Variants in BBS9 observed in about 807,000 individuals in gnomAD.
BBS9 encodes the protein protein PTHB1.
A neutral mutation model predicts 117.7 loss-of-function variants in BBS9; 89 were observed. That is an observed-to-expected ratio of 0.76 (90% confidence interval 0.64 to 0.90). The LOEUF (loss-of-function observed/expected upper bound fraction) is 0.90. Ranked by LOEUF, BBS9 falls within the 40% of genes least tolerant of loss-of-function variation. The pLI is 0.00. For synonymous variants in BBS9, 379 were observed against 370.9 expected (o/e 1.02, Z -0.25); for missense variants, 982 against 1,042.2 (o/e 0.94, Z 0.80).
chr7:33,398,975 G>A, intron 19 of BBS9, among the ~76,000 whole-genome samples: 1 of 152,168 alleles, frequency 6.6e-6, no homozygotes, highest in East Asian at 1.9e-4. Context: ...ACTGTGCTCA[G>A]CCCAACAATG....
intron 19 of BBS9, chr7:33,390,753 C>A: frequency 5.7e-6 from 2 of 350,856 alleles, no homozygotes; most frequent in Non-Finnish European, 8.0e-6. Flanking sequence ...GGTTCCTTAT[C>A]ATCTGCTCAG....
intron 19 of BBS9, among the ~76,000 whole-genome samples, chr7:33,400,226 G>T: frequency 1.0e-5 from 1 of 99,400 alleles, no homozygotes; most frequent in African/African-American, 4.1e-5. Flanking sequence ...TTTGTTGTTT[G>T]ATCTTTAAAA....
chr7:33,515,507 T>G (rs2392244), intron 20 of BBS9, among the ~76,000 whole-genome samples: 43,594 of 152,082 alleles, frequency 0.29, 6,472 homozygotes, highest in African/African-American at 0.36. Context: ...CCTTTTCGAC[T>G]AAACTCAAAA....
At chr7:33,175,428 A>G (rs896226373) in intron 4 of BBS9, among the ~76,000 whole-genome samples, 2 of 152,188 alleles carry the variant, frequency 1.3e-5, no homozygotes, top group Non-Finnish European at 2.9e-5. Context: ...TCTTTTAACT[A>G]TTAAAAGACA....
chr7:33,348,346 A>G (rs954728988), intron 12 of BBS9, among the ~76,000 whole-genome samples: 4 of 152,166 alleles, frequency 2.6e-5, no homozygotes. Context: ...ATTTGTTAGC[A>G]TGGTTCCATG....
chr7:33,497,820 C>T (rs889427153), intron 19 of BBS9, among the ~76,000 whole-genome samples: 20 of 152,066 alleles, frequency 1.3e-4, no homozygotes, highest in African/African-American at 4.3e-4. Flanking sequence ...GGTCAGGGTA[C>T]GGTGCAGGGT....
chr7:33,626,863 A>T (rs1175588239), intron 21 of BBS9, among the ~76,000 whole-genome samples: 1 of 152,224 alleles, frequency 6.6e-6, no homozygotes, highest in East Asian at 1.9e-4. Context: ...TGAAACTAGA[A>T]CTTATATTTA....
At chr7:33,137,260 G>A (rs553743054) in intron 1 of BBS9, among the ~76,000 whole-genome samples, 1 of 152,312 alleles carries the variant, frequency 6.6e-6, no homozygotes, top group East Asian at 1.9e-4. Flanking sequence ...TGGGCACTGG[G>A]AGTTGGGAGA....
intron 21 of BBS9, among the ~76,000 whole-genome samples, chr7:33,556,700 G>A (rs937748277): frequency 9.2e-5 from 14 of 152,174 alleles, no homozygotes; most frequent in Admixed American, 3.9e-4. Context: ...CCAGGAAAAT[G>A]ACTTTAGAGG....
chr7:33,292,568 T>C (rs1016220414), intron 9 of BBS9, among the ~76,000 whole-genome samples: 2 of 152,234 alleles, frequency 1.3e-5, no homozygotes, highest in African/African-American at 4.8e-5. Flanking sequence ...TCAAACTTTT[T>C]ACTGTTTTTA....
intron 19 of BBS9, among the ~76,000 whole-genome samples, chr7:33,439,092 C>T (rs1473658386): frequency 2.6e-5 from 4 of 152,208 alleles, no homozygotes; most frequent in African/African-American, 9.6e-5. Flanking sequence ...ATGGACCCTT[C>T]AGCCCTAAAG....
At chr7:33,621,062 C>A (rs1280723050) in intron 21 of BBS9, among the ~76,000 whole-genome samples, 1 of 151,922 alleles carries the variant, frequency 6.6e-6, no homozygotes, top group Non-Finnish European at 1.5e-5. Context: ...ACATCATATA[C>A]AAAAATGAAT....
At chr7:33,348,859 TTTGAG>T (rs1818091683) in intron 12 of BBS9, among the ~76,000 whole-genome samples, 2 of 152,348 alleles carry the variant, frequency 1.3e-5, no homozygotes, top group South Asian at 4.1e-4. Context: ...TCTTTATTCT[TTTGAG>T]TAAAGTCTGT....
intron 9 of BBS9, among the ~76,000 whole-genome samples, chr7:33,278,350 T>G (rs1350361342): frequency 6.6e-6 from 1 of 152,170 alleles, no homozygotes; most frequent in Non-Finnish European, 1.5e-5. Flanking sequence ...AGGTGCCTGA[T>G]TGGGCTTCCA....
rs28673971 is a variant in BBS9 at position 33,466,877 on chromosome 7, G to A, written c.2116-38586G>A. 6.1e-3 allele frequency among the ~76,000 whole-genome samples: 932 copies of A among 152,228 alleles called. 12 individuals are homozygous for A. The highest frequency in any genetic ancestry group is 0.022 in the African/African-American group (896 of 41,538). ...GGTTTATTAGAGGCTCTGCCTCAGT[G>A]TGGAAATCTTGGAGGGAGAGAGTGG... On this transcript the variant is annotated intron_variant, in intron 19 of 22. Transcript: ENST00000242067.
intron 21 of BBS9, among the ~76,000 whole-genome samples, chr7:33,599,522 G>A (rs1217165440): frequency 1.3e-5 from 2 of 152,092 alleles, no homozygotes; most frequent in Admixed American, 6.6e-5. Flanking sequence ...TTTTTACAGT[G>A]AGGTTTAGTT....
At chr7:33,577,756 C>G (rs1353456674) in intron 21 of BBS9, among the ~76,000 whole-genome samples, 1 of 152,166 alleles carries the variant, frequency 6.6e-6, no homozygotes, top group Admixed American at 6.5e-5. Context: ...TTTGCAGGGA[C>G]ATGGATGAAG....
chr7:33,626,448 G>C (rs1489837648), intron 21 of BBS9, among the ~76,000 whole-genome samples: 1 of 152,166 alleles, frequency 6.6e-6, no homozygotes, highest in African/African-American at 2.4e-5. Context: ...TTTGTAACTG[G>C]GTAACAGGCA....
At chr7:33,342,923 T>C (rs1326915914) in intron 11 of BBS9, among the ~76,000 whole-genome samples, 1 of 152,316 alleles carries the variant, frequency 6.6e-6, no homozygotes, top group South Asian at 2.1e-4. Flanking sequence ...CTTTGAATCA[T>C]TATTATGAAA....
Sources: allele counts gnomAD v4.1 joint callset (sites outside exome capture counted in the v4.1 genomes callset), GRCh38; gene constraint gnomAD v4.1.1; transcripts MANE v1.5; gene names NCBI Gene and HGNC (gene_info 2026-07-23, HGNC 2026-07-21).